TRPM8: variants seen among roughly 807,000 people sequenced by gnomAD.
TRPM8 encodes the protein transient receptor potential cation channel subfamily M member 8, also known as TRPM8 cationic channel.
In TRPM8, 110 loss-of-function variants were observed where a neutral mutation model predicts 133.7. The ratio of observed to expected loss-of-function variants is 0.82; its 90% confidence interval spans 0.70 to 0.96. The LOEUF is 0.96. TRPM8 is among the 40% of genes least tolerant of loss of function. The probability of loss-of-function intolerance (pLI) is 0.00; values close to 1 mark genes in which losing one functional copy is unlikely to be tolerated. For synonymous variants in TRPM8, 535 were observed against 532.3 expected (o/e 1.01, Z -0.07); for missense variants, 1,291 against 1,379.5 (o/e 0.94, Z 1.02).
intron 24 of TRPM8, among the ~76,000 whole-genome samples, chr2:234,012,438 G>T (rs1373901575): frequency 6.6e-6 from 1 of 151,436 alleles, no homozygotes; most frequent in Admixed American, 6.6e-5. Flanking sequence ...GAGCCACCAC[G>T]CCCAGCAGTC....
At chr2:233,984,108 G>A (rs1261582909) in intron 20 of TRPM8, among the ~76,000 whole-genome samples, 1 of 152,166 alleles carries the variant, frequency 6.6e-6, no homozygotes, top group South Asian at 2.1e-4. Context: ...AGCTCCATGA[G>A]GATCTAAAGA....
At chr2:233,928,182 G>A (rs886076527) in intron 2 of TRPM8, among the ~76,000 whole-genome samples, 7 of 151,732 alleles carry the variant, frequency 4.6e-5, no homozygotes, top group Non-Finnish European at 8.8e-5. Context: ...TGTTAGCCAG[G>A]ATGGTCTCGA....
intron 12 of TRPM8, among the ~76,000 whole-genome samples, chr2:233,962,153 T>C (rs1337887631): frequency 6.6e-6 from 1 of 152,230 alleles, no homozygotes; most frequent in Non-Finnish European, 1.5e-5. Flanking sequence ...AATCTGGATA[T>C]TCACTTGAGA....
chr2:234,005,793 C>T (rs1692677862), intron 22 of TRPM8, among the ~76,000 whole-genome samples: 1 of 152,038 alleles, frequency 6.6e-6, no homozygotes. Context: ...CGCTTGTAGT[C>T]CCAGCTGCTT....
intron 17 of TRPM8, 130 bp from the exon 18 acceptor site, chr2:233,980,058 A>T (rs1176768209): frequency 4.3e-6 from 3 of 695,974 alleles, no homozygotes; most frequent in Non-Finnish European, 7.5e-6. Flanking sequence ...CACTTGGCAT[A>T]TGAAAGAATA....
At position 233,970,358 on chromosome 2, in the gene TRPM8, G is replaced by A. The variant is rs1464646092; in HGVS notation, c.2287G>A (p.Val763Met). 1.2e-6 allele frequency: 2 copies of A among 1,614,046 alleles called. No individual in the cohort carries two copies. The highest frequency in any genetic ancestry group is 1.7e-5 in the Admixed American group (1 of 59,998). ...CGTGCTGCTCATGGATTTCCATTCG[G>A]TGCCACACCCCCCCGAGCTGGTCCT... is the stretch of plus-strand genomic sequence containing the variant. ...AYVLLMDFHS[V>M]PHPPELVLYS... is the part of the protein sequence containing the mutation. The change falls in exon 17 of 26, where the codon GTG becomes ATG. Residue 763 changes from valine (V) to methionine (M), a missense_variant. Val to Met is a conservative substitution (Grantham distance 21). This residue lies in a region of TRPM8 where 963 missense variants were observed against 968.9 expected (regional missense o/e 0.99). Transcript: ENST00000324695.
At chr2:233,927,613 C>A (rs1432885553) in intron 2 of TRPM8, among the ~76,000 whole-genome samples, 1 of 152,138 alleles carries the variant, frequency 6.6e-6, no homozygotes, top group East Asian at 1.9e-4. Context: ...CCCTTGCTCT[C>A]TTCCTTCAAC....
chr2:233,983,119 C>G lies in TRPM8; in HGVS notation c.2656C>G (p.Gln886Glu). Reference sequence around the variant, plus strand: ...GATGGTGGCCTTTGGCGTGGCCAGGCAAGGGATCCTTAGGCAGAATGAGCA... The same window carrying G: ...GATGGTGGCCTTTGGCGTGGCCAGGGAAGGGATCCTTAGGCAGAATGAGCA... ...VWMVAFGVARQGILRQNEQRW... is the reference protein window; with the variant it reads ...VWMVAFGVAREGILRQNEQRW... Residue 886 changes from glutamine to glutamate, a missense_variant, in exon 20 of 26, where the codon CAA becomes GAA. Transcript: ENST00000324695. 1 of 1,614,136 alleles carries G rather than the reference C, an allele frequency of 6.2e-7. No individual in the cohort carries two copies. Among genetic ancestry groups the G allele is most frequent in the Middle Eastern group, 1.6e-4 (1 of 6,062 alleles).
chr2:233,955,226 T>G lies in TRPM8; in HGVS notation c.1338T>G (p.Ile446Met), dbSNP rs1233636974. ...AGCTGGACTTAGCCAATGATGAGAT[T>G]TTCACCAATGACCGCCGATGGGAGG... ...WNQLDLANDE[I>M]FTNDRRWESA... Residue 446 changes from isoleucine (I) to methionine (M), a missense_variant, in exon 11 of 26, where the codon ATT becomes ATG. By Grantham distance (10) the Ile-to-Met change is conservative. Coordinates refer to ENST00000324695, the MANE Select transcript of TRPM8 (RefSeq NM_024080.5). 6.2e-7 allele frequency: 1 copy of G among 1,614,026 alleles called. No homozygotes were observed. Among genetic ancestry groups the G allele is most frequent in the Admixed American group, 1.7e-5 (1 of 60,008 alleles).
At chr2:233,931,730 C>G (rs1331103003) in intron 3 of TRPM8, among the ~76,000 whole-genome samples, 1 of 152,156 alleles carries the variant, frequency 6.6e-6, no homozygotes, top group African/African-American at 2.4e-5. Flanking sequence ...AAAATGAACA[C>G]CAGAAAAACT....
intron 3 of TRPM8, among the ~76,000 whole-genome samples, chr2:233,931,681 T>C (rs1200841330): frequency 6.6e-6 from 1 of 152,216 alleles, no homozygotes; most frequent in Admixed American, 6.5e-5. Flanking sequence ...ATACCTACCA[T>C]AATGCTTCAG....
rs952968434 is a variant in TRPM8, at chr2:233,985,668, G to A, written c.2762-20G>A. On this transcript the variant is annotated intron_variant, in intron 20 of 25. Coordinates refer to ENST00000324695, the MANE Select transcript of TRPM8 (RefSeq NM_024080.5). ...CCTCCAGAGGGTCCTCACTTTGCCTGTTGGTTTCTACATCCTCAGGTACCA... is the reference window on the plus strand; with the variant it reads ...CCTCCAGAGGGTCCTCACTTTGCCTATTGGTTTCTACATCCTCAGGTACCA... 1.2e-6 allele frequency: 2 copies of A among 1,610,404 alleles called. No homozygotes were observed. The highest frequency in any genetic ancestry group is 8.5e-7 in the Non-Finnish European group (1 of 1,177,266).
rs1692999559 is a variant in TRPM8, at chr2:234,018,043, A to T, written c.*787A>T. On this transcript the variant is annotated 3_prime_UTR_variant, in exon 26 of 26. Transcript: ENST00000324695. ...TATAGAAAATTTAGACCATACAGAG[A>T]TGTAGAAAGAACATAAATTGTCCCC... 1 of 150,852 alleles carries T rather than the reference A, an allele frequency of 6.6e-6. No individual in the cohort carries two copies. The highest frequency in any genetic ancestry group is 6.7e-5 in the Admixed American group (1 of 14,882). 9.3% of individuals were successfully genotyped at this position (150,852 alleles called of 1,614,324 possible).
chr2:233,976,974 T>C (rs1392247941), intron 17 of TRPM8, among the ~76,000 whole-genome samples: 1 of 152,172 alleles, frequency 6.6e-6, no homozygotes, highest in Non-Finnish European at 1.5e-5. Flanking sequence ...TTAATTAACC[T>C]AGTTTACACT....
At chr2:233,986,703 A>C (rs1692155833) in intron 21 of TRPM8, among the ~76,000 whole-genome samples, 1 of 152,214 alleles carries the variant, frequency 6.6e-6, no homozygotes, top group African/African-American at 2.4e-5. Flanking sequence ...ATAATTGATA[A>C]ATTAGGGAAA....
At chr2:233,963,400 G>T (rs751887940) in intron 13 of TRPM8, 23 bp downstream of exon 13, 13 of 1,424,640 alleles carry the variant, frequency 9.1e-6, no homozygotes, top group Non-Finnish European at 1.2e-5. Context: ...GCCCACATCA[G>T]ATTTACACCA....
chr2:233,993,335 T>C (rs1692328542), intron 21 of TRPM8, among the ~76,000 whole-genome samples: 1 of 152,168 alleles, frequency 6.6e-6, no homozygotes, highest in African/African-American at 2.4e-5. Flanking sequence ...GAGGAACAAA[T>C]GATTGGTGAC....
chr2:233,959,647 T>C (rs897298319), intron 11 of TRPM8, among the ~76,000 whole-genome samples: 1 of 152,114 alleles, frequency 6.6e-6, no homozygotes, highest in African/African-American at 2.4e-5. Flanking sequence ...ATGCTGGAAA[T>C]GTAGATTTTG....
intron 1 of TRPM8, among the ~76,000 whole-genome samples, chr2:233,922,449 A>G (rs1044549485): frequency 6.6e-6 from 1 of 151,710 alleles, no homozygotes; most frequent in Non-Finnish European, 1.5e-5. Context: ...CAGCTCATTT[A>G]TTTCTCTTTG....
Sources: allele counts gnomAD v4.1 joint callset (sites outside exome capture counted in the v4.1 genomes callset), GRCh38; gene constraint gnomAD v4.1.1; regional missense constraint gnomAD v4.1.1; transcripts MANE v1.5; gene names NCBI Gene and HGNC (gene_info 2026-07-23, HGNC 2026-07-21).